The following BSG variants were observed in gnomAD, a reference collection of about 807,000 sequenced individuals.
BSG encodes the protein basigin (Ok blood group), also known as basigin.
A neutral mutation model predicts 43.1 loss-of-function variants in BSG; 37 were observed. The ratio of observed to expected loss-of-function variants is 0.86; its 90% CI spans 0.66 to 1.13. BSG has a LOEUF of 1.13. Ranked by LOEUF, BSG falls within the 50% of genes most tolerant of loss-of-function variation. BSG has a pLI of 0.00. For missense variants in BSG, 599 were observed against 554.2 expected (o/e 1.08, Z -0.81); for synonymous variants, 309 against 238.7 (o/e 1.29, Z -2.72).
At chr19:572,581 G>C, upstream of BSG, 1 of 1,436,172 alleles carries the variant, frequency 7.0e-7, no homozygotes, top group Non-Finnish European at 9.2e-7. Flanking sequence ...TATAGCGGCC[G>C]CGGGCGGCGG....
chr19:576,437 G>A (rs1981776540), intron 1 of BSG, among the ~76,000 whole-genome samples: 4 of 152,334 alleles, frequency 2.6e-5, no homozygotes, highest in Admixed American at 2.6e-4. Flanking sequence ...CCCAAGAAAT[G>A]TAGGTTACCA....
rs1311644959 is a variant in BSG at position 582,874 on chromosome 19, C to T, written c.*130C>T. 2.1e-6 allele frequency: 1 copy of T among 469,092 alleles called. No individual in the cohort carries two copies. Among genetic ancestry groups the T allele is most frequent in the Non-Finnish European group, 3.8e-6 (1 of 264,348 alleles). The allele number at this position is 469,092 out of a possible 1,614,324, so 29.1% of individuals were successfully genotyped here. A position where few individuals can be genotyped will look rare whatever the true frequency, so the allele number is the denominator to read the frequency against. On this transcript the variant is annotated 3_prime_UTR_variant, in exon 9 of 9. Transcript: ENST00000333511. ...CCCCGTAGATTCCCATCATACACTT[C>T]CTTCTTTTTTAAAAAAGTTGGGTTT...
In BSG at chr19:577,886, G is replaced by C; in HGVS notation, c.180G>C (p.Gly60=). 1 of 1,583,302 alleles carries C rather than the reference G, an allele frequency of 6.3e-7. No homozygotes were observed. Among genetic ancestry groups the C allele is most frequent in the East Asian group, 2.3e-5 (1 of 43,912 alleles). The change falls in exon 2 of 9, where the codon GGG becomes GGC. Residue 60 remains glycine, a synonymous_variant. Transcript: ENST00000333511. ...CCGAGATCCAGTGGTGGTTTGAAGG[G>C]CAGGGTCCCAACGACACCTGCTCCC... ...PVPEIQWWFE[G]QGPNDTCSQL...
At chr19:580,344 CTGGT>C in intron 3 of BSG, 31 bp from the exon 4 acceptor site, 1 of 1,597,060 alleles carries the variant, frequency 6.3e-7, no homozygotes, top group South Asian at 1.1e-5. Flanking sequence ...TCCTGCAGAG[CTGGT>C]ACGCGGCTCA....
At position 581,585 on chromosome 19, in the gene BSG, C is replaced by G. The variant is rs763795674; in HGVS notation, c.1063C>G (p.Leu355Val). The stretch of plus-strand genomic sequence containing the variant: ...GAAGCGCCGGAAGCCCGAGGACGTC[C>G]TGGATGGTGAGCCGTCTGCCCTCCT... ...YEKRRKPEDV[L>V]DDDDAGSAPL... Residue 355 changes from leucine (L) to valine (V), a missense_variant, in exon 6 of 9, where the codon CTG (leucine) becomes GTG (valine). Leu to Val is a conservative substitution (Grantham distance 32). Coordinates refer to ENST00000333511, the MANE Select transcript of BSG (RefSeq NM_001728.4). 1 of 1,590,380 alleles carries G rather than the reference C, an allele frequency of 6.3e-7. No homozygotes were observed. The highest frequency in any genetic ancestry group is 8.5e-7 in the Non-Finnish European group (1 of 1,170,762).
At chr19:571,777 C>G, upstream of BSG, 1 of 606,198 alleles carries the variant, frequency 1.6e-6, no homozygotes, top group Non-Finnish European at 3.0e-6. Context: ...GTTCCTCTGT[C>G]CTTTCCCTGT....
intron 1 of BSG, among the ~76,000 whole-genome samples, chr19:574,012 T>G (rs1981530523): frequency 6.6e-6 from 1 of 152,034 alleles, no homozygotes; most frequent in African/African-American, 2.4e-5. Context: ...CCCAGCACTT[T>G]GGGAGGCTGA....
In BSG at chr19:574,861, G is replaced by A. The variant is rs145675941; in HGVS notation, c.67+2160G>A. On this transcript the variant is annotated intron_variant, in intron 1 of 8. Transcript: ENST00000333511. ...GCTCTCTGGGGAGACACAGATAGGAGCCCATGGGTGAGGTGAGCGCGGAAG... is the reference window on the plus strand; with the variant it reads ...GCTCTCTGGGGAGACACAGATAGGAACCCATGGGTGAGGTGAGCGCGGAAG... Among the ~76,000 whole-genome samples the A allele has an allele frequency of 6.4e-4, 97 of 152,324 alleles. 2 individuals carry two copies. Among genetic ancestry groups the A allele is most frequent in the Admixed American group, 2.3e-3 (35 of 15,302 alleles).
In BSG at chr19:581,522, G is replaced by A. The variant is rs1982321013; in HGVS notation, c.1000G>A (p.Glu334Lys). ...ALWPFLGIVA[E>K]VLVLVTIIFI... ...CTGGCCCTTCCTGGGCATCGTGGCT[G>A]AGGTGCTGGTGCTGGTCACCATCAT... The change falls in exon 6 of 9, where the codon GAG becomes AAG. Residue 334 changes from glutamate (E) to lysine (K), a missense_variant. Coordinates refer to ENST00000333511, the MANE Select transcript of BSG (RefSeq NM_001728.4). The A allele has an allele frequency of 1.3e-6, 2 of 1,597,074 alleles. No homozygotes were observed. Among genetic ancestry groups the A allele is most frequent in the African/African-American group, 1.3e-5 (1 of 74,560 alleles).
In BSG at chr19:582,254, G is replaced by T. The variant is rs1054255143; in HGVS notation, c.1070-52G>T. On this transcript the variant is annotated intron_variant, in intron 6 of 8. Coordinates refer to ENST00000333511, the MANE Select transcript of BSG (RefSeq NM_001728.4). ...TGCTCGGGGCCTGAGTGGGGCCAGTGCTGACAGGCTGTCCTCTCGTCCTCT... is the reference window on the plus strand; with the variant it reads ...TGCTCGGGGCCTGAGTGGGGCCAGTTCTGACAGGCTGTCCTCTCGTCCTCT... 10 of 1,602,648 alleles carry T rather than the reference G, an allele frequency of 6.2e-6. No homozygotes were observed. The East Asian group carries it at 2.2e-4, about 36-fold the overall frequency.
chr19:573,651 C>T (rs1981492448), intron 1 of BSG, among the ~76,000 whole-genome samples: 1 of 152,150 alleles, frequency 6.6e-6, no homozygotes, highest in Non-Finnish European at 1.5e-5. Flanking sequence ...TCTGAACGCC[C>T]CTCCTCCTTT....
upstream of BSG, chr19:571,456 C>G: frequency 1.3e-6 from 1 of 766,022 alleles, no homozygotes; most frequent in Non-Finnish European, 2.4e-6. Context: ...CGCCGCGGAA[C>G]TTCAAGGGTC....
At chr19:578,522 C>G (rs1981986621) in intron 2 of BSG, among the ~76,000 whole-genome samples, 2 of 152,284 alleles carry the variant, frequency 1.3e-5, no homozygotes, top group South Asian at 4.1e-4. Context: ...TTCGCAGCAT[C>G]TCGTTCTAAG....
intron 1 of BSG, 119 bp downstream of exon 1, chr19:572,820 A>C: frequency 8.4e-7 from 1 of 1,183,592 alleles, no homozygotes; most frequent in African/African-American, 1.6e-5. Context: ...TGGGGTGCGA[A>C]AGGCCGGCCC....
chr19:571,338 G>T (rs1981216297), upstream of BSG: 5 of 598,624 alleles, frequency 8.4e-6, no homozygotes, highest in Admixed American at 2.9e-5. Flanking sequence ...GGCTTAGTCT[G>T]CGGTCCTCTT....
intron 1 of BSG, 78 bp downstream of exon 1, chr19:572,779 C>T (rs1981379878): frequency 3.1e-6 from 4 of 1,309,586 alleles, no homozygotes; most frequent in South Asian, 4.0e-5. Flanking sequence ...CCGAAGCCGA[C>T]GGGAGCCTGG....
chr19:577,551 C>T (rs1455204227), intron 1 of BSG, among the ~76,000 whole-genome samples: 1 of 152,210 alleles, frequency 6.6e-6, no homozygotes, highest in African/African-American at 2.4e-5. Flanking sequence ...GTTGTGCCCT[C>T]AGAAGCCGCC....
chr19:578,431 C>G (rs893877269), intron 2 of BSG, among the ~76,000 whole-genome samples: 4 of 152,284 alleles, frequency 2.6e-5, no homozygotes, highest in Non-Finnish European at 4.4e-5. Flanking sequence ...GCCCGGCTCC[C>G]TCCCTGAGCG....
chr19:573,358 C>T (rs937013688), intron 1 of BSG, among the ~76,000 whole-genome samples: 2 of 152,124 alleles, frequency 1.3e-5, no homozygotes, highest in African/African-American at 2.4e-5. Flanking sequence ...CGCAAGGGCC[C>T]GTGCGGCCTG....
Sources: gnomAD v4.1 joint callset for allele counts (sites outside exome capture counted in the v4.1 genomes callset) on GRCh38, gnomAD v4.1.1 for gene constraint, MANE v1.5 for transcripts, NCBI Gene and HGNC (gene_info 2026-07-23, HGNC 2026-07-21) for gene names.